Variants in TLN2 observed in about 807,000 individuals in gnomAD.
TLN2 encodes talin 2, also known as talin-2.
In TLN2, 118 loss-of-function variants were observed where a neutral mutation model predicts 294.7. The observed-to-expected ratio is 0.40, with a 90% CI of 0.34 to 0.47. The LOEUF (loss-of-function observed/expected upper bound fraction) is 0.47, where lower values mean the gene tolerates loss of function less well. Among genes scored for constraint, TLN2 ranks in the 20% least tolerant of loss-of-function variants. The pLI, the probability that TLN2 is intolerant of heterozygous loss-of-function variation, is 0.84. For missense variants in TLN2, 3,083 were observed against 3,282.2 expected (o/e 0.94, Z 1.48); for synonymous variants, 1,431 against 1,304.5 (o/e 1.10, Z -2.09).
At chr15:62,501,726 A>G (rs1377865718) in intron 1 of TLN2, among the ~76,000 whole-genome samples, 1 of 152,238 alleles carries the variant, frequency 6.6e-6, no homozygotes, top group Admixed American at 6.5e-5. Flanking sequence ...GGACATAGTT[A>G]TATCAACAGG....
intron 1 of TLN2, among the ~76,000 whole-genome samples, chr15:62,569,291 T>C (rs1210808177): frequency 6.6e-6 from 1 of 152,194 alleles, no homozygotes; most frequent in Non-Finnish European, 1.5e-5. Context: ...GATGTAGGTA[T>C]ATCTTTAGTG....
chr15:62,431,036 C>T (rs1477399693), intron 1 of TLN2, among the ~76,000 whole-genome samples: 2 of 151,952 alleles, frequency 1.3e-5, no homozygotes, highest in East Asian at 3.9e-4. Context: ...ATACCTTGCT[C>T]TGGATTCTTG....
intron 52 of TLN2, among the ~76,000 whole-genome samples, 186 bp from the exon 53 acceptor site, chr15:62,819,330 C>A (rs2067366136): frequency 6.6e-6 from 1 of 152,194 alleles, no homozygotes; most frequent in Non-Finnish European, 1.5e-5. Context: ...CCTTTTATTT[C>A]TCACATGGGG....
intron 1 of TLN2, among the ~76,000 whole-genome samples, chr15:62,582,004 G>T (rs181030004): frequency 1.3e-5 from 2 of 151,108 alleles, no homozygotes; most frequent in Middle Eastern, 3.4e-3. Context: ...AGATTGTGCC[G>T]CTGCACTCCA....
chr15:62,530,603 C>T (rs1246860745), intron 1 of TLN2, among the ~76,000 whole-genome samples: 7 of 152,014 alleles, frequency 4.6e-5, no homozygotes, highest in Non-Finnish European at 1.0e-4. Context: ...GATCTGCCTG[C>T]CTTGGCCTCC....
chr15:62,775,349 A>G (rs770952076), intron 42 of TLN2, among the ~76,000 whole-genome samples: 65 of 152,172 alleles, frequency 4.3e-4, no homozygotes, highest in Admixed American at 2.8e-3. Flanking sequence ...TCCAAGAGGT[A>G]TCACCTTTCA....
chr15:62,569,215 TCC>T (rs1395571303), intron 1 of TLN2, among the ~76,000 whole-genome samples: 2 of 152,334 alleles, frequency 1.3e-5, no homozygotes, highest in Admixed American at 6.5e-5. Flanking sequence ...TCTCTCGATA[TCC>T]CTAATTACGT....
At chr15:62,531,750 T>C (rs2041054601) in intron 1 of TLN2, among the ~76,000 whole-genome samples, 1 of 152,228 alleles carries the variant, frequency 6.6e-6, no homozygotes, top group Non-Finnish European at 1.5e-5. Flanking sequence ...GCTTCTAGTT[T>C]TTGTATTATA....
At chr15:62,757,088 G>T (rs1475773075) in intron 37 of TLN2, among the ~76,000 whole-genome samples, 1 of 152,126 alleles carries the variant, frequency 6.6e-6, no homozygotes, top group African/African-American at 2.4e-5. Flanking sequence ...TGTGCTTTAG[G>T]TATGTTACTC....
At chr15:62,633,597 A>G (rs933279308) in intron 3 of TLN2, among the ~76,000 whole-genome samples, 7 of 152,198 alleles carry the variant, frequency 4.6e-5, no homozygotes, top group Non-Finnish European at 8.8e-5. Flanking sequence ...AGGCCCAGCT[A>G]TGCCTCTGTT....
intron 42 of TLN2, among the ~76,000 whole-genome samples, chr15:62,774,255 A>G (rs1428081979): frequency 6.6e-6 from 1 of 152,190 alleles, no homozygotes. Context: ...ATAAAGAAAC[A>G]AGGCTCCTTT....
chr15:62,557,434 A>G (rs1384806071), intron 1 of TLN2, among the ~76,000 whole-genome samples: 2 of 152,250 alleles, frequency 1.3e-5, no homozygotes, highest in Non-Finnish European at 2.9e-5. Context: ...GTGATAGTGC[A>G]GGACTCTGGC....
chr15:62,799,758 G>C (rs912832027), intron 48 of TLN2, among the ~76,000 whole-genome samples: 3 of 152,242 alleles, frequency 2.0e-5, no homozygotes, highest in Non-Finnish European at 2.9e-5. Context: ...CAGCAATTGT[G>C]GGAGTGGGCC....
chr15:62,657,113 T>G (rs2053294737), intron 8 of TLN2, among the ~76,000 whole-genome samples: 2 of 131,662 alleles, frequency 1.5e-5, no homozygotes, highest in Non-Finnish European at 3.2e-5. Context: ...CATCTTAGGG[T>G]GATCTGGGGG....
At chr15:62,662,810 G>A (rs1334756893) in intron 9 of TLN2, among the ~76,000 whole-genome samples, 1 of 144,522 alleles carries the variant, frequency 6.9e-6, no homozygotes, top group Non-Finnish European at 1.5e-5. Flanking sequence ...GTGTATTTTA[G>A]GGATTGAGAG....
At chr15:62,451,706 A>G (rs1388900769) in intron 1 of TLN2, among the ~76,000 whole-genome samples, 3 of 152,218 alleles carry the variant, frequency 2.0e-5, no homozygotes, top group Non-Finnish European at 2.9e-5. Flanking sequence ...CTGGCCAGGG[A>G]TAGACCAGAA....
chr15:62,612,877 T>G (rs1305967179), intron 2 of TLN2, among the ~76,000 whole-genome samples: 1 of 152,248 alleles, frequency 6.6e-6, no homozygotes, highest in Non-Finnish European at 1.5e-5. Context: ...CTTTATGAAA[T>G]AATCTCTTTC....
intron 57 of TLN2, among the ~76,000 whole-genome samples, chr15:62,836,581 A>C (rs1567717639): frequency 6.6e-6 from 1 of 152,206 alleles, no homozygotes; most frequent in Non-Finnish European, 1.5e-5. Context: ...TCTGCTACAG[A>C]AGGGAGTAAA....
intron 1 of TLN2, among the ~76,000 whole-genome samples, chr15:62,512,522 T>C (rs1244347745): frequency 1.3e-5 from 2 of 152,222 alleles, no homozygotes; most frequent in Non-Finnish European, 2.9e-5. Flanking sequence ...TCTTGCCCTT[T>C]AAGATACTTA....
Sources: allele counts gnomAD v4.1 joint callset (sites outside exome capture counted in the v4.1 genomes callset), GRCh38; gene constraint gnomAD v4.1.1; transcripts MANE v1.5; gene names NCBI Gene and HGNC (gene_info 2026-07-23, HGNC 2026-07-21).